UNK: variants seen among roughly 807,000 people sequenced by gnomAD.
UNK encodes the protein RING finger protein unkempt homolog.
Under a neutral mutation model 97.6 loss-of-function variants are expected in UNK, and 32 were observed. The observed-to-expected ratio is 0.33, with a 90% CI of 0.25 to 0.44. UNK has a LOEUF of 0.44. Ranked by LOEUF, UNK falls within the 20% of genes least tolerant of loss-of-function variation. The pLI is 1.00. For synonymous variants in UNK, 441 were observed against 461.2 expected (o/e 0.96, Z 0.56); for missense variants, 771 against 1,098.4 (o/e 0.70, Z 4.21).
intron 1 of UNK, among the ~76,000 whole-genome samples, chr17:75,789,585 C>T (rs943214048): frequency 6.6e-6 from 1 of 152,168 alleles, no homozygotes; most frequent in African/African-American, 2.4e-5. Context: ...ATCTGCCCGT[C>T]TCGGCCTCCC....
chr17:75,786,521 C>G lies in UNK; in HGVS notation c.104+1537C>G, dbSNP rs144991801. The stretch of plus-strand genomic sequence containing the variant: ...AACAAGTGAACAGCTGATTAAATGT[C>G]AGTATCTGAGTCTTTGTCCTCTTGA... On this transcript the variant is annotated intron_variant, in intron 1 of 15. Transcript: ENST00000589666. Among the ~76,000 whole-genome samples the G allele has an allele frequency of 6.9e-4, 105 of 152,310 alleles. 1 individual carries two copies. Among genetic ancestry groups the G allele is most frequent in the African/African-American group, 2.5e-3 (105 of 41,562 alleles).
intron 1 of UNK, among the ~76,000 whole-genome samples, chr17:75,800,206 C>T (rs1297313966): frequency 1.3e-5 from 2 of 152,046 alleles, no homozygotes; most frequent in African/African-American, 2.4e-5. Context: ...GTAGCTGGGA[C>T]TATAGGTGTG....
intron 1 of UNK, chr17:75,793,793 G>A: frequency 1.0e-6 from 1 of 985,384 alleles, no homozygotes; most frequent in Non-Finnish European, 1.2e-6. Context: ...GAAGGTCCAT[G>A]TCCCACCTTC....
intron 1 of UNK, among the ~76,000 whole-genome samples, chr17:75,789,218 C>G (rs943288388): frequency 3.9e-5 from 6 of 152,108 alleles, no homozygotes; most frequent in Non-Finnish European, 8.8e-5. Context: ...GAATCCAGTC[C>G]TTTTAGAAAA....
In UNK at chr17:75,822,587, C is replaced by G. The variant is rs1205237047; in HGVS notation, c.1948C>G (p.Leu650Val). 1.2e-6 allele frequency: 2 copies of G among 1,613,212 alleles called. No homozygotes were observed. The highest frequency in any genetic ancestry group is 2.7e-5 in the African/African-American group (2 of 74,946). Residue 650 changes from leucine (L) to valine (V), a missense_variant, in exon 14 of 16, where the codon CTT becomes GTT. By Grantham distance (32) the Leu-to-Val change is conservative. Transcript: ENST00000589666. ...SGPGAAELAR[L>V]RQELDEANST... is the part of the protein sequence containing the mutation. ...GCCAGGGGCTGCCGAGCTGGCCCGA[C>G]TTCGGCAAGAGCTGGATGAAGCCAA...
In UNK at chr17:75,802,323, A is replaced by G. The variant is rs923326886; in HGVS notation, c.105-7437A>G. 1.3e-4 allele frequency among the ~76,000 whole-genome samples: 17 copies of G among 131,844 alleles called. No homozygotes were observed. The East Asian group carries it at 3.4e-3, about 26-fold the overall frequency. 86.5% of individuals were successfully genotyped at this position (131,844 alleles called of 152,430 possible). On this transcript the variant is annotated intron_variant, in intron 1 of 15. Coordinates refer to ENST00000589666, the MANE Select transcript of UNK (RefSeq NM_001080419.3). ...ACCCAGGCTGGCATGCAGTGGTGCAACCGTAGCTCACTGCAACCTCAAACT... is the reference window on the plus strand; with the variant it reads ...ACCCAGGCTGGCATGCAGTGGTGCAGCCGTAGCTCACTGCAACCTCAAACT...
At chr17:75,796,178 CTTATT>C (rs1229034781) in intron 1 of UNK, among the ~76,000 whole-genome samples, 1 of 152,130 alleles carries the variant, frequency 6.6e-6, no homozygotes, top group African/African-American at 2.4e-5. Context: ...TCACCAGACA[CTTATT>C]TTATTTGCCT....
rs34023928 is a variant in UNK at position 75,825,474 on chromosome 17, G to C, written c.*1057G>C. On this transcript the variant is annotated 3_prime_UTR_variant, in exon 16 of 16. Coordinates refer to ENST00000589666, the MANE Select transcript of UNK (RefSeq NM_001080419.3). The surrounding 1 kb of genome is among the most constrained non-coding windows in gnomAD (Gnocchi z 4.4). Reference sequence around the variant, plus strand: ...CTGAGTGCAGCTGGTGTCCCGCCCTGTTCTGGGCGGACGCCTGTGTGCGTG... The same window carrying C: ...CTGAGTGCAGCTGGTGTCCCGCCCTCTTCTGGGCGGACGCCTGTGTGCGTG... The C allele has an allele frequency of 6.5e-6, 1 of 152,718 alleles. No homozygotes were observed. Among genetic ancestry groups the C allele is most frequent in the African/African-American group, 2.4e-5 (1 of 41,452 alleles). 9.5% of individuals were successfully genotyped at this position (152,718 alleles called of 1,614,324 possible). A position where few individuals can be genotyped will look rare whatever the true frequency, so the allele number is the denominator to read the frequency against.
intron 13 of UNK, chr17:75,821,854 C>A: frequency 2.6e-6 from 1 of 390,504 alleles, no homozygotes; most frequent in Non-Finnish European, 5.2e-6. Context: ...GTGCACGCAG[C>A]ATAGTTGACT....
At chr17:75,822,224 C>T (rs149738968) in intron 13 of UNK, among the ~76,000 whole-genome samples, 64 of 152,366 alleles carry the variant, frequency 4.2e-4, no homozygotes, top group Middle Eastern at 6.8e-3. Flanking sequence ...CCATTTCCCA[C>T]ATGAGGGTGC....
At chr17:75,803,504 T>C (rs1415390109) in intron 1 of UNK, among the ~76,000 whole-genome samples, 1 of 152,218 alleles carries the variant, frequency 6.6e-6, no homozygotes, top group Non-Finnish European at 1.5e-5. Context: ...TAGTATCTTT[T>C]ACAGCTGGTG....
chr17:75,821,760 GC>G (rs1334360008), intron 13 of UNK: 1 of 456,096 alleles, frequency 2.2e-6, no homozygotes, highest in Non-Finnish European at 4.4e-6. Flanking sequence ...TGCCCTGGGG[GC>G]CAGAGCAGGG....
chr17:75,819,767 C>T lies in UNK; in HGVS notation c.1630C>T (p.Pro544Ser), dbSNP rs546755863. 3 of 1,613,720 alleles carry T rather than the reference C, an allele frequency of 1.9e-6. No individual in the cohort carries two copies. Among genetic ancestry groups the T allele is most frequent in the African/African-American group, 1.3e-5 (1 of 74,940 alleles). ...TTTCGATAACAGCACAGTGCCCCACCCAGGAAGCATCACCATCGGTACTGG... is the reference window on the plus strand; with the variant it reads ...TTTCGATAACAGCACAGTGCCCCACTCAGGAAGCATCACCATCGGTACTGG... ...KTFDNSTVPH[P>S]GSITIGGSLL... The change falls in exon 12 of 16, where the codon CCA becomes TCA. Residue 544 changes from proline to serine, a missense_variant. Coordinates refer to ENST00000589666, the MANE Select transcript of UNK (RefSeq NM_001080419.3). The surrounding 1 kb of genome is among the most constrained non-coding windows in gnomAD (Gnocchi z 5.4).
chr17:75,821,647 G>A (rs570714567), intron 13 of UNK: 14 of 456,694 alleles, frequency 3.1e-5, no homozygotes, highest in East Asian at 2.1e-4. Context: ...GGAACATCCT[G>A]GTTGGATTAG....
intron 1 of UNK, 96 bp from the exon 2 acceptor site, chr17:75,809,660 GAGCA>G: frequency 7.6e-7 from 1 of 1,323,072 alleles, no homozygotes; most frequent in South Asian, 1.4e-5. Context: ...TAGCACCCCA[GAGCA>G]GGGCCCTCAG....
At chr17:75,815,134 G>A (rs748450340) in intron 6 of UNK, 35 bp from the exon 7 acceptor site, 8 of 1,600,232 alleles carry the variant, frequency 5.0e-6, no homozygotes, top group Non-Finnish European at 6.8e-6. Context: ...TTCCCTCAGG[G>A]CCTGAGCCTG....
At chr17:75,800,002 G>A (rs2061841131) in intron 1 of UNK, among the ~76,000 whole-genome samples, 1 of 151,210 alleles carries the variant, frequency 6.6e-6, no homozygotes, top group African/African-American at 2.4e-5. Flanking sequence ...TAGAGCAGAG[G>A]TCAGCAAACC....
intron 1 of UNK, among the ~76,000 whole-genome samples, chr17:75,802,242 CTTTTTTTTTTT>C (rs56221993): frequency 4.0e-4 from 19 of 47,262 alleles, no homozygotes; most frequent in African/African-American, 9.9e-4. Context: ...GCACAGATGT[CTTTTTTTTTTT>C]TTTTTTTTTT....
chr17:75,802,479 C>T (rs1167887695), intron 1 of UNK, among the ~76,000 whole-genome samples: 2 of 151,972 alleles, frequency 1.3e-5, no homozygotes, highest in South Asian at 4.1e-4. Context: ...TGCCCTCAAA[C>T]TCCTAGGCTC....
Sources: allele counts gnomAD v4.1 joint callset (sites outside exome capture counted in the v4.1 genomes callset), GRCh38; gene constraint gnomAD v4.1.1; non-coding constraint Gnocchi (gnomAD v3.1); transcripts MANE v1.5; gene names NCBI Gene and HGNC (gene_info 2026-07-23, HGNC 2026-07-21).